Variants in MGAT4A observed in about 807,000 individuals in gnomAD.
MGAT4A encodes N-acetylglucosaminyltransferase IVa.
Under a neutral mutation model 74.1 loss-of-function variants are expected in MGAT4A, and 33 were observed. That is an observed-to-expected ratio of 0.45 (90% CI 0.34 to 0.60). The LOEUF (loss-of-function observed/expected upper bound fraction) is 0.60, where lower values mean the gene tolerates loss of function less well. Among genes scored for constraint, MGAT4A ranks in the 20% least tolerant of loss-of-function variants. The pLI is 0.02. For synonymous variants in MGAT4A, 198 were observed against 210.4 expected, an observed-to-expected ratio of 0.94 and a Z score of 0.51; for missense variants, 479 against 628.3, an observed-to-expected ratio of 0.76 and a Z score of 2.54.
In MGAT4A at chr2:98,635,112, G is replaced by A. The variant is rs1000702427; in HGVS notation, c.1468+110C>T. The A allele has an allele frequency of 5.2e-6, 4 of 762,164 alleles. No individual in the cohort carries two copies. The East Asian group carries it at 1.1e-4, about 20-fold the overall frequency. 47.2% of individuals were successfully genotyped at this position (762,164 alleles called of 1,614,324 possible). On this transcript the variant is annotated intron_variant, in intron 14 of 15. Transcript: ENST00000393487. Reference sequence around the variant, plus strand: ...CAACACAGCACACATAAAACCTGGAGGACACTGGTAATTGTAATCCTCAAG... The same window carrying A: ...CAACACAGCACACATAAAACCTGGAAGACACTGGTAATTGTAATCCTCAAG...
At chr2:98,666,379 A>AATTC (rs905657666) in intron 4 of MGAT4A, among the ~76,000 whole-genome samples, 1 of 152,116 alleles carries the variant, frequency 6.6e-6, no homozygotes, top group African/African-American at 2.4e-5. Context: ...ATGGAAGCAA[A>AATTC]ATTCCATAGA....
chr2:98,647,029 G>C, intron 8 of MGAT4A, among the ~76,000 whole-genome samples: 1 of 152,104 alleles, frequency 6.6e-6, no homozygotes, highest in East Asian at 1.9e-4. Flanking sequence ...TGTTTTTCAA[G>C]GTAATCTAAT....
At chr2:98,628,466 T>A (rs1701178532) in intron 14 of MGAT4A, among the ~76,000 whole-genome samples, 1 of 152,256 alleles carries the variant, frequency 6.6e-6, no homozygotes, top group Non-Finnish European at 1.5e-5. Flanking sequence ...AAGTGGTTTT[T>A]CTTGCTTAGC....
intron 5 of MGAT4A, among the ~76,000 whole-genome samples, chr2:98,659,362 T>A (rs1293103146): frequency 6.6e-6 from 1 of 151,898 alleles, no homozygotes; most frequent in South Asian, 2.1e-4. Context: ...CCAGACATCA[T>A]CCTCCTCCTA....
At chr2:98,626,167 C>G (rs1364180798) in intron 14 of MGAT4A, among the ~76,000 whole-genome samples, 1 of 152,096 alleles carries the variant, frequency 6.6e-6, no homozygotes, top group Non-Finnish European at 1.5e-5. Context: ...CTAAATCTTA[C>G]CAAAATATAA....
In MGAT4A at chr2:98,686,640, G is replaced by A. The variant is rs889148539; in HGVS notation, c.95-8169C>T. Among the ~76,000 whole-genome samples the A allele has an allele frequency of 6.6e-5, 10 of 151,774 alleles. No homozygotes were observed. In the East Asian group the frequency reaches 1.4e-3, roughly 21 times the overall value. The stretch of plus-strand genomic sequence containing the variant: ...CAGCCCACTGCAATCTCCGCCTCCT[G>A]GGTTTAAGCAATTCTCCTGCCTCAG... On this transcript the variant is annotated intron_variant, in intron 2 of 15. Coordinates refer to ENST00000393487, the MANE Select transcript of MGAT4A (RefSeq NM_012214.3).
chr2:98,628,774 A>AT (rs566185879), intron 14 of MGAT4A, among the ~76,000 whole-genome samples: 6 of 151,826 alleles, frequency 4.0e-5, no homozygotes, highest in East Asian at 1.9e-4. Flanking sequence ...AGTACTTGTA[A>AT]TTTTTTTTTA....
chr2:98,679,189 G>A (rs868447874), intron 2 of MGAT4A, among the ~76,000 whole-genome samples: 41 of 151,940 alleles, frequency 2.7e-4, no homozygotes, highest in African/African-American at 2.7e-4. Flanking sequence ...GGCGGATCAC[G>A]AGGTCAGGAG....
intron 4 of MGAT4A, among the ~76,000 whole-genome samples, chr2:98,674,616 AT>A (rs1412056055): frequency 6.6e-6 from 1 of 152,258 alleles, no homozygotes; most frequent in Non-Finnish European, 1.5e-5. Flanking sequence ...CTACTACTCC[AT>A]AAAAAGTTAC....
Position 98,623,419 on chromosome 2 carries a change from G to T in MGAT4A, c.*2147C>A. 1 of 985,418 alleles carries T rather than the reference G, an allele frequency of 1.0e-6. No homozygotes were observed. The highest frequency in any genetic ancestry group is 1.2e-6 in the Non-Finnish European group (1 of 829,928). 61.0% of individuals were successfully genotyped at this position (985,418 alleles called of 1,614,324 possible). ...CAACTGAGGAACCAGGGACCCAAGAGTACTCCTAAGCCCACCTGCAGAGAT... is the reference window on the plus strand; with the variant it reads ...CAACTGAGGAACCAGGGACCCAAGATTACTCCTAAGCCCACCTGCAGAGAT... On this transcript the variant is annotated 3_prime_UTR_variant, in exon 16 of 16. Transcript: ENST00000393487.
rs1401659346 is a variant in MGAT4A at position 98,622,567 on chromosome 2, G to GC, written c.*2998dup. 2 of 985,194 alleles carry GC rather than the reference G, an allele frequency of 2.0e-6. No homozygotes were observed. Among genetic ancestry groups the GC allele is most frequent in the Non-Finnish European group, 2.4e-6 (2 of 829,936 alleles). The allele number at this position is 985,194 out of a possible 1,614,324, so 61.0% of individuals were successfully genotyped here. A position where few individuals can be genotyped will look rare whatever the true frequency, so the allele number is the denominator to read the frequency against. ...GACTCTTCCCCTCCCTTAATCTTCT[G>GC]CCCTCACACTGCTCTTAAGGGCGAC... On this transcript the variant is annotated 3_prime_UTR_variant, in exon 16 of 16. Transcript: ENST00000393487.
chr2:98,704,600 C>T (rs1304194827), intron 2 of MGAT4A, among the ~76,000 whole-genome samples: 2 of 151,712 alleles, frequency 1.3e-5, no homozygotes, highest in African/African-American at 2.4e-5. Flanking sequence ...AGTGAGACCC[C>T]GTCTTAAAAA....
intron 14 of MGAT4A, among the ~76,000 whole-genome samples, chr2:98,633,002 C>T (rs555145194): frequency 2.6e-4 from 39 of 152,336 alleles, no homozygotes; most frequent in African/African-American, 9.1e-4. Context: ...TGGTGATCTG[C>T]CTACCTTGGC....
At chr2:98,661,524 A>G (rs1453205432) in intron 5 of MGAT4A, among the ~76,000 whole-genome samples, 1 of 152,202 alleles carries the variant, frequency 6.6e-6, no homozygotes, top group Admixed American at 6.5e-5. Context: ...GGAAAAACAG[A>G]GATGGCCTAC....
At chr2:98,651,814 C>T (rs577310167) in intron 8 of MGAT4A, among the ~76,000 whole-genome samples, 1 of 152,078 alleles carries the variant, frequency 6.6e-6, no homozygotes, top group Non-Finnish European at 1.5e-5. Flanking sequence ...ATACTATCTA[C>T]AAGAAACTTA....
chr2:98,690,533 C>T (rs1401544461), intron 2 of MGAT4A, among the ~76,000 whole-genome samples: 1 of 152,040 alleles, frequency 6.6e-6, no homozygotes, highest in South Asian at 2.1e-4. Flanking sequence ...TCAGAAAAGG[C>T]CAGCTATGAC....
intron 14 of MGAT4A, among the ~76,000 whole-genome samples, chr2:98,632,789 G>C (rs1393540237): frequency 6.6e-6 from 1 of 152,122 alleles, no homozygotes. Context: ...GTTTGAGACA[G>C]AGTGGCCCAG....
At chr2:98,718,331 C>T (rs1484920116) in intron 2 of MGAT4A, among the ~76,000 whole-genome samples, 2 of 152,190 alleles carry the variant, frequency 1.3e-5, no homozygotes, top group African/African-American at 4.8e-5. Flanking sequence ...TTTGGAGCTC[C>T]ACTTCCAACG....
intron 10 of MGAT4A, among the ~76,000 whole-genome samples, chr2:98,641,133 G>C (rs1701401996): frequency 6.6e-6 from 1 of 152,100 alleles, no homozygotes; most frequent in Admixed American, 6.5e-5. Context: ...GCAACACCGA[G>C]GGCCACCTTG....
Sources: gnomAD v4.1 joint callset for allele counts (sites outside exome capture counted in the v4.1 genomes callset) on GRCh38, gnomAD v4.1.1 for gene constraint, MANE v1.5 for transcripts, NCBI Gene and HGNC (gene_info 2026-07-23, HGNC 2026-07-21) for gene names.